Variants in PSD3 observed in about 807,000 individuals in gnomAD.
PSD3 encodes PH and SEC7 domain-containing protein 3.
PSD3 carries 49 observed loss-of-function variants against 105.5 expected under a neutral mutation model. The observed-to-expected ratio is 0.46, with a 90% CI of 0.37 to 0.59. The LOEUF (loss-of-function observed/expected upper bound fraction) is 0.59, where lower values mean the gene tolerates loss of function less well. PSD3 is among the 20% of genes least tolerant of loss of function. The pLI is 0.00. For missense variants in PSD3, 1,561 were observed against 1,263.8 expected (o/e 1.24, Z -3.57); for synonymous variants, 557 against 457.8 (o/e 1.22, Z -2.77).
At chr8:18,816,714 G>A (rs1812250590) in intron 4 of PSD3, among the ~76,000 whole-genome samples, 1 of 152,142 alleles carries the variant, frequency 6.6e-6, no homozygotes. Context: ...AATACATGAA[G>A]AGTTTTCCCT....
chr8:18,865,854 A>G (rs2129456369), intron 4 of PSD3, among the ~76,000 whole-genome samples: 2 of 152,324 alleles, frequency 1.3e-5, no homozygotes, highest in South Asian at 4.1e-4. Context: ...ATGCTAAAAT[A>G]CTATGACCTA....
At chr8:18,707,773 C>G (rs1189759377) in intron 9 of PSD3, among the ~76,000 whole-genome samples, 1 of 151,996 alleles carries the variant, frequency 6.6e-6, no homozygotes, top group Non-Finnish European at 1.5e-5. Flanking sequence ...ACTTCTTCCC[C>G]GAAGAGTACA....
intron 13 of PSD3, among the ~76,000 whole-genome samples, chr8:18,573,143 TCTA>T (rs1240469388): frequency 1.3e-5 from 2 of 152,158 alleles, no homozygotes; most frequent in Non-Finnish European, 2.9e-5. Context: ...TCCCAGCAAT[TCTA>T]CTCCTAAGTA....
chr8:18,926,313 T>C (rs1203260453), intron 2 of PSD3, among the ~76,000 whole-genome samples: 3 of 151,332 alleles, frequency 2.0e-5, no homozygotes, highest in Admixed American at 6.6e-5. Context: ...AAATTATTTA[T>C]AATTTATAAT....
In PSD3 at chr8:18,857,197, C is replaced by G. The variant is rs894650316; in HGVS notation, c.1634+10477G>C. Among the ~76,000 whole-genome samples, 5 of 152,316 alleles carry G rather than the reference C, an allele frequency of 3.3e-5. No homozygotes were observed. In the South Asian group the frequency reaches 6.2e-4, roughly 19 times the overall value. On this transcript the variant is annotated intron_variant, in intron 4 of 15. Transcript: ENST00000327040. ...AGTTACCTTTAACAGGCCCACATCC[C>G]CCTGAGAACGGGGACTGGCTCAACT...
At chr8:18,623,779 C>T (rs922969826) in intron 11 of PSD3, among the ~76,000 whole-genome samples, 1 of 152,144 alleles carries the variant, frequency 6.6e-6, no homozygotes, top group Non-Finnish European at 1.5e-5. Flanking sequence ...GGGTACTTGT[C>T]AGTGACTGCC....
intron 9 of PSD3, among the ~76,000 whole-genome samples, chr8:18,689,250 G>C (rs563270870): frequency 8.1e-4 from 124 of 152,224 alleles, no homozygotes; most frequent in African/African-American, 2.9e-3. Context: ...GGGGGTAGGA[G>C]GTAGAGAGAA....
rs13439217 is a variant in PSD3, at chr8:18,842,521, C to G, written c.1634+25153G>C. 8.4e-3 allele frequency among the ~76,000 whole-genome samples: 1,281 copies of G among 152,270 alleles called. 16 individuals are homozygous for G. Among genetic ancestry groups the G allele is most frequent in the African/African-American group, 0.029 (1,211 of 41,554 alleles). On this transcript the variant is annotated intron_variant, in intron 4 of 15. Coordinates refer to ENST00000327040, the MANE Select transcript of PSD3 (RefSeq NM_015310.4). The stretch of plus-strand genomic sequence containing the variant: ...GTCCGAGGCGGGCGGATCACAAGGT[C>G]AGGAGATCGAGACCATCCTGGCTAA...
intron 9 of PSD3, among the ~76,000 whole-genome samples, chr8:18,728,866 G>C (rs544736083): frequency 3.2e-4 from 48 of 152,140 alleles, no homozygotes; most frequent in Non-Finnish European, 6.2e-4. Flanking sequence ...AGGGAAGCTG[G>C]GAAGGGGAAG....
intron 2 of PSD3, among the ~76,000 whole-genome samples, chr8:18,923,204 C>A (rs1018614722): frequency 6.6e-6 from 1 of 150,810 alleles, no homozygotes; most frequent in East Asian, 1.9e-4. Context: ...GAAAAAAAAA[C>A]CTCATAATGT....
Position 18,912,171 on chromosome 8 carries a change from T to A in PSD3, c.130+23863A>T, listed in dbSNP as rs1451927094. On this transcript the variant is annotated intron_variant, in intron 2 of 15. Coordinates refer to ENST00000327040, the MANE Select transcript of PSD3 (RefSeq NM_015310.4). The stretch of plus-strand genomic sequence containing the variant: ...TTTTTGCCATGAAAATCCCAGATCC[T>A]TATTTCATAATGTCATAATGAGATT... Among the ~76,000 whole-genome samples, 4 of 152,340 alleles carry A rather than the reference T, an allele frequency of 2.6e-5. No individual in the cohort carries two copies. The East Asian group carries it at 7.7e-4, about 29-fold the overall frequency.
intron 9 of PSD3, among the ~76,000 whole-genome samples, chr8:18,738,829 A>AAAAAC (rs1804347920): frequency 2.0e-5 from 3 of 151,812 alleles, no homozygotes; most frequent in African/African-American, 4.8e-5. Context: ...CTCCGAAAAA[A>AAAAAC]AAAAACAAAA....
At chr8:18,650,294 C>A (rs1199826272) in intron 10 of PSD3, among the ~76,000 whole-genome samples, 1 of 151,744 alleles carries the variant, frequency 6.6e-6, no homozygotes, top group Non-Finnish European at 1.5e-5. Flanking sequence ...CCATCCCAAT[C>A]ACAAAGAGTA....
At chr8:18,656,530 C>A (rs1186862150) in intron 9 of PSD3, among the ~76,000 whole-genome samples, 1 of 152,118 alleles carries the variant, frequency 6.6e-6, no homozygotes, top group Middle Eastern at 3.2e-3. Flanking sequence ...CATCCCAATT[C>A]TGCCTTACAG....
intron 1 of PSD3, among the ~76,000 whole-genome samples, chr8:18,966,397 C>T (rs1191472067): frequency 6.6e-6 from 1 of 151,916 alleles, no homozygotes; most frequent in African/African-American, 2.4e-5. Context: ...CTGCGAAATC[C>T]CCATCTCTAC....
chr8:18,863,446 G>A (rs540388397), intron 4 of PSD3, among the ~76,000 whole-genome samples: 3 of 152,234 alleles, frequency 2.0e-5, no homozygotes, highest in African/African-American at 4.8e-5. Flanking sequence ...ACATGGGGAG[G>A]GGATGCTCCT....
chr8:18,950,759 G>A (rs1016622763), intron 1 of PSD3, among the ~76,000 whole-genome samples: 6 of 151,620 alleles, frequency 4.0e-5, no homozygotes, highest in South Asian at 2.1e-4. Flanking sequence ...AAAATTCCAC[G>A]ACCCATTTGG....
intron 11 of PSD3, among the ~76,000 whole-genome samples, chr8:18,619,643 CAA>C (rs201102600): frequency 1.5e-4 from 17 of 115,490 alleles, no homozygotes; most frequent in Admixed American, 1.8e-4. Flanking sequence ...AACCTCATCT[CAA>C]AAAAAAAAAA....
intron 11 of PSD3, among the ~76,000 whole-genome samples, chr8:18,606,289 C>G (rs1199280027): frequency 6.6e-6 from 1 of 152,094 alleles, no homozygotes; most frequent in East Asian, 1.9e-4. Flanking sequence ...GTGCTAAATG[C>G]TGTGTAATTT....
Sources: allele counts gnomAD v4.1 joint callset (sites outside exome capture counted in the v4.1 genomes callset), GRCh38; gene constraint gnomAD v4.1.1; transcripts MANE v1.5; gene names NCBI Gene and HGNC (gene_info 2026-07-23, HGNC 2026-07-21).